GUCY1A2: variants seen among roughly 807,000 people sequenced by gnomAD.
GUCY1A2 encodes the protein guanylate cyclase 1 soluble subunit alpha 2.
GUCY1A2 carries 27 observed loss-of-function variants against 63.5 expected under a neutral mutation model. The observed-to-expected ratio is 0.43, with a 90% CI of 0.31 to 0.59. The LOEUF (loss-of-function observed/expected upper bound fraction) is 0.59. Ranked by LOEUF, GUCY1A2 falls within the 20% of genes least tolerant of loss-of-function variation. The pLI, the probability that GUCY1A2 is intolerant of heterozygous loss-of-function variation, is 0.11. For missense variants in GUCY1A2, 768 were observed against 913.3 expected, an observed-to-expected ratio of 0.84 and a Z score of 2.05; for synonymous variants, 364 against 343.5, an observed-to-expected ratio of 1.06 and a Z score of -0.66.
At chr11:107,005,061 C>G (rs1174736624) in intron 1 of GUCY1A2, among the ~76,000 whole-genome samples, 1 of 152,074 alleles carries the variant, frequency 6.6e-6, no homozygotes, top group Non-Finnish European at 1.5e-5. Context: ...AAGCACACTG[C>G]CCGATAATGG....
chr11:106,748,059 C>T (rs1863820695), intron 6 of GUCY1A2, among the ~76,000 whole-genome samples: 1 of 152,044 alleles, frequency 6.6e-6, no homozygotes, highest in South Asian at 2.1e-4. Flanking sequence ...CTCTCATTTC[C>T]TCCAAAGAAA....
In GUCY1A2 at chr11:106,915,750, G is replaced by T. The variant is rs779374481; in HGVS notation, c.1206+23710C>A. Among the ~76,000 whole-genome samples, 6 of 144,592 alleles carry T rather than the reference G, an allele frequency of 4.1e-5. 1 individual carries two copies. Among genetic ancestry groups the T allele is most frequent in the Admixed American group, 6.9e-5 (1 of 14,420 alleles). 94.9% of individuals were successfully genotyped at this position (144,592 alleles called of 152,430 possible). A position where few individuals can be genotyped will look rare whatever the true frequency, so the allele number is the denominator to read the frequency against. ...TGAGCCACGTAAACCAAGTGAAAAA[G>T]AACTATGTCTGATTTTAAGATTTCA... On this transcript the variant is annotated intron_variant, in intron 4 of 7. Transcript: ENST00000526355.
At chr11:106,912,082 A>T (rs1336636375) in intron 4 of GUCY1A2, among the ~76,000 whole-genome samples, 3 of 151,954 alleles carry the variant, frequency 2.0e-5, no homozygotes, top group Admixed American at 1.3e-4. Flanking sequence ...TGCTAAAAGA[A>T]AATAAAAATC....
At chr11:106,691,324 G>A (rs566956082) in intron 7 of GUCY1A2, among the ~76,000 whole-genome samples, 7 of 152,322 alleles carry the variant, frequency 4.6e-5, no homozygotes, top group Admixed American at 6.5e-5. Flanking sequence ...GAGAAAGGGA[G>A]AGATGATGAC....
intron 4 of GUCY1A2, among the ~76,000 whole-genome samples, chr11:106,825,962 T>C (rs1294983203): frequency 6.6e-6 from 1 of 152,104 alleles, no homozygotes; most frequent in African/African-American, 2.4e-5. Context: ...GCAAACGAGA[T>C]ATTGCTACAT....
At chr11:107,001,587 G>GT (rs897620655) in intron 1 of GUCY1A2, among the ~76,000 whole-genome samples, 132 of 151,660 alleles carry the variant, frequency 8.7e-4, no homozygotes, top group Non-Finnish European at 5.2e-4. Flanking sequence ...CATATTCTCT[G>GT]TTTTTCTACT....
chr11:107,017,720 C>T (rs769934283), intron 1 of GUCY1A2, 33 bp downstream of exon 1: 2 of 1,277,134 alleles, frequency 1.6e-6, no homozygotes, highest in African/African-American at 1.6e-5. Flanking sequence ...TTCTCTCCCC[C>T]GAAGGCGGTC....
intron 6 of GUCY1A2, among the ~76,000 whole-genome samples, chr11:106,724,693 G>A (rs946416782): frequency 1.3e-5 from 2 of 152,132 alleles, no homozygotes; most frequent in African/African-American, 4.8e-5. Flanking sequence ...CTGCCCTTAT[G>A]AGTGAGTCAT....
intron 6 of GUCY1A2, among the ~76,000 whole-genome samples, chr11:106,724,271 T>C (rs1006354944): frequency 6.6e-6 from 1 of 151,980 alleles, no homozygotes; most frequent in Non-Finnish European, 1.5e-5. Flanking sequence ...AACACAAGAG[T>C]TTATTCATCA....
chr11:107,006,034 C>T (rs1481491496), intron 1 of GUCY1A2, among the ~76,000 whole-genome samples: 13 of 152,174 alleles, frequency 8.5e-5, no homozygotes, highest in Non-Finnish European at 2.9e-5. Flanking sequence ...CTGTGCTAGG[C>T]ATTACTATAC....
intron 4 of GUCY1A2, among the ~76,000 whole-genome samples, chr11:106,821,219 A>G (rs1302528316): frequency 6.6e-6 from 1 of 152,200 alleles, no homozygotes; most frequent in African/African-American, 2.4e-5. Flanking sequence ...CAAATATGAA[A>G]TGTTTATGTT....
At chr11:106,836,394 T>A (rs1859117852) in intron 4 of GUCY1A2, among the ~76,000 whole-genome samples, 1 of 152,142 alleles carries the variant, frequency 6.6e-6, no homozygotes, top group African/African-American at 2.4e-5. Flanking sequence ...TACTGTACCA[T>A]ATTTATCAAT....
intron 1 of GUCY1A2, among the ~76,000 whole-genome samples, chr11:107,002,060 C>T (rs1446302356): frequency 6.6e-6 from 1 of 151,508 alleles, no homozygotes; most frequent in East Asian, 1.9e-4. Context: ...ATGTGCCAGG[C>T]ATATTGTAGT....
intron 3 of GUCY1A2, among the ~76,000 whole-genome samples, chr11:106,971,492 A>G (rs1297884973): frequency 1.3e-5 from 2 of 152,102 alleles, no homozygotes; most frequent in Non-Finnish European, 2.9e-5. Context: ...TGAAACAACT[A>G]TAAACGTACA....
chr11:106,813,139 A>G (rs928627710), intron 4 of GUCY1A2, among the ~76,000 whole-genome samples: 1 of 152,022 alleles, frequency 6.6e-6, no homozygotes, highest in Non-Finnish European at 1.5e-5. Flanking sequence ...AAATATAAAC[A>G]TCTATCTAAG....
intron 3 of GUCY1A2, among the ~76,000 whole-genome samples, chr11:106,950,758 T>C (rs1238158860): frequency 6.6e-6 from 1 of 152,190 alleles, no homozygotes; most frequent in African/African-American, 2.4e-5. Context: ...AATGCCTCTT[T>C]AATGGTCACT....
chr11:106,961,480 G>A (rs1235400630), intron 3 of GUCY1A2, among the ~76,000 whole-genome samples: 1 of 152,044 alleles, frequency 6.6e-6, no homozygotes, highest in Non-Finnish European at 1.5e-5. Context: ...AAAACAGAAG[G>A]TTATATGAAA....
intron 6 of GUCY1A2, among the ~76,000 whole-genome samples, chr11:106,749,706 A>G (rs1361131450): frequency 2.0e-5 from 3 of 152,090 alleles, no homozygotes; most frequent in African/African-American, 4.8e-5. Context: ...TCTAGTCCAC[A>G]TTGCTCACAG....
chr11:106,981,657 G>A (rs1446241371), intron 2 of GUCY1A2, among the ~76,000 whole-genome samples: 2 of 151,710 alleles, frequency 1.3e-5, no homozygotes, highest in African/African-American at 4.8e-5. Context: ...CCATTTTTGT[G>A]AGCCATAGAC....
Sources: allele counts gnomAD v4.1 joint callset (sites outside exome capture counted in the v4.1 genomes callset), GRCh38; gene constraint gnomAD v4.1.1; transcripts MANE v1.5; gene names NCBI Gene and HGNC (gene_info 2026-07-23, HGNC 2026-07-21).